The following L3MBTL4 variants were observed in gnomAD, a reference collection of about 807,000 sequenced individuals.
L3MBTL4 encodes lethal(3)malignant brain tumor-like protein 4.
In L3MBTL4, 70 loss-of-function variants were observed where a neutral mutation model predicts 84.5. The ratio of observed to expected loss-of-function variants is 0.83; its 90% confidence interval spans 0.68 to 1.01. L3MBTL4 has a LOEUF of 1.01. Among genes scored for constraint, L3MBTL4 ranks in the 50% least tolerant of loss-of-function variants. The pLI, the probability that L3MBTL4 is intolerant of heterozygous loss-of-function variation, is 0.00. For missense variants in L3MBTL4, 715 were observed against 754.8 expected (o/e 0.95, Z 0.62); for synonymous variants, 274 against 259.8 (o/e 1.05, Z -0.52).
At chr18:6,156,854 C>T (rs917498164) in intron 13 of L3MBTL4, among the ~76,000 whole-genome samples, 8 of 152,196 alleles carry the variant, frequency 5.3e-5, no homozygotes, top group African/African-American at 1.9e-4. Context: ...TGCTATGCCA[C>T]ACTGCATCGC....
At chr18:6,413,877 C>G (rs1323989662) in intron 1 of L3MBTL4, 1 of 152,348 alleles carries the variant, frequency 6.6e-6, no homozygotes, top group Non-Finnish European at 1.5e-5. Flanking sequence ...AAGAATGTCC[C>G]TCTAAAGGCA....
chr18:6,337,969 C>G (rs563355429), intron 1 of L3MBTL4, among the ~76,000 whole-genome samples: 30 of 151,830 alleles, frequency 2.0e-4, no homozygotes, highest in African/African-American at 6.8e-4. Context: ...CTAACAGGAA[C>G]AATGAAAGCC....
chr18:6,325,819 T>C (rs1240962258), intron 1 of L3MBTL4, among the ~76,000 whole-genome samples: 2 of 152,248 alleles, frequency 1.3e-5, no homozygotes, highest in African/African-American at 2.4e-5. Context: ...TGGTGTACCC[T>C]AGTCATCTAA....
intron 17 of L3MBTL4, among the ~76,000 whole-genome samples, chr18:5,962,538 C>A (rs1453409788): frequency 6.6e-6 from 1 of 152,160 alleles, no homozygotes; most frequent in Non-Finnish European, 1.5e-5. Flanking sequence ...GGCACTCCAC[C>A]CTGGTGGGAC....
chr18:6,054,549 T>G (rs1420603224), intron 16 of L3MBTL4, among the ~76,000 whole-genome samples: 1 of 152,158 alleles, frequency 6.6e-6, no homozygotes, highest in Non-Finnish European at 1.5e-5. Context: ...CCCCCGCCCC[T>G]TCCCTGACAC....
At chr18:6,197,633 C>T (rs1175188611) in intron 12 of L3MBTL4, among the ~76,000 whole-genome samples, 2 of 152,158 alleles carry the variant, frequency 1.3e-5, no homozygotes, top group Non-Finnish European at 2.9e-5. Flanking sequence ...ATATCCCAGT[C>T]TTGACTGTGC....
intron 12 of L3MBTL4, among the ~76,000 whole-genome samples, chr18:6,196,269 T>A (rs2045383607): frequency 6.6e-6 from 1 of 150,742 alleles, no homozygotes; most frequent in African/African-American, 2.5e-5. Flanking sequence ...GCCATTCTCC[T>A]GCCTCAGCCT....
At chr18:5,979,806 C>A (rs182032899) in intron 16 of L3MBTL4, among the ~76,000 whole-genome samples, 209 of 152,352 alleles carry the variant, frequency 1.4e-3, no homozygotes, top group Non-Finnish European at 2.5e-3. Context: ...TACTCAGCAT[C>A]TGAATCTCAA....
intron 16 of L3MBTL4, chr18:6,029,513 A>T: frequency 4.1e-6 from 4 of 983,686 alleles, no homozygotes; most frequent in Non-Finnish European, 4.8e-6. Flanking sequence ...TTCCATACAG[A>T]CAATCTTAGG....
chr18:6,081,416 C>T (rs1272405657), intron 15 of L3MBTL4: 1 of 152,580 alleles, frequency 6.6e-6, no homozygotes, highest in African/African-American at 2.4e-5. Context: ...TTTTAAAATG[C>T]TGCAGTATGT....
intron 10 of L3MBTL4, among the ~76,000 whole-genome samples, chr18:6,217,673 T>C (rs2046382939): frequency 6.6e-6 from 1 of 152,234 alleles, no homozygotes; most frequent in South Asian, 2.1e-4. Context: ...TGGAGTACTT[T>C]GCTTCATATT....
At chr18:6,280,012 AT>A (rs2049258101) in intron 4 of L3MBTL4, among the ~76,000 whole-genome samples, 1 of 152,176 alleles carries the variant, frequency 6.6e-6, no homozygotes, top group African/African-American at 2.4e-5. Flanking sequence ...ATTCAAGATT[AT>A]TTTTTCCCTT....
At chr18:6,405,539 CCT>C (rs2055692971) in intron 1 of L3MBTL4, among the ~76,000 whole-genome samples, 2 of 152,160 alleles carry the variant, frequency 1.3e-5, no homozygotes, top group South Asian at 4.1e-4. Flanking sequence ...CAGCACAGGC[CCT>C]GAGCCCGAGG....
At chr18:6,019,341 T>C (rs2055143169) in intron 16 of L3MBTL4, among the ~76,000 whole-genome samples, 1 of 152,232 alleles carries the variant, frequency 6.6e-6, no homozygotes, top group Admixed American at 6.5e-5. Flanking sequence ...GTGTAAGGAC[T>C]GTCCCCTTGG....
At chr18:6,255,434 T>C (rs1183272963) in intron 5 of L3MBTL4, among the ~76,000 whole-genome samples, 1 of 152,216 alleles carries the variant, frequency 6.6e-6, no homozygotes, top group Non-Finnish European at 1.5e-5. Context: ...AGATTCTAAA[T>C]GTAGGAAAAG....
chr18:6,261,088 C>T (rs2048379481), intron 5 of L3MBTL4, among the ~76,000 whole-genome samples: 1 of 152,192 alleles, frequency 6.6e-6, no homozygotes, highest in Non-Finnish European at 1.5e-5. Context: ...GGTCTCATCT[C>T]ACACATGGAA....
chr18:5,989,129 CCA>C (rs2053580604), intron 16 of L3MBTL4, among the ~76,000 whole-genome samples: 1 of 152,128 alleles, frequency 6.6e-6, no homozygotes. Context: ...CAGCTCCAGC[CCA>C]CTGTGCCATC....
At chr18:6,032,179 G>T in intron 16 of L3MBTL4, 1 of 341,962 alleles carries the variant, frequency 2.9e-6, no homozygotes. Context: ...GGGTTTCACT[G>T]CGTTGGCCAG....
At chr18:6,263,649 T>G (rs1392163531) in intron 5 of L3MBTL4, among the ~76,000 whole-genome samples, 1 of 152,146 alleles carries the variant, frequency 6.6e-6, no homozygotes, top group East Asian at 1.9e-4. Context: ...CCTTTACGGG[T>G]ACAACTGATT....
Sources: gnomAD v4.1 joint callset for allele counts (sites outside exome capture counted in the v4.1 genomes callset) on GRCh38, gnomAD v4.1.1 for gene constraint, MANE v1.5 for transcripts, NCBI Gene and HGNC (gene_info 2026-07-23, HGNC 2026-07-21) for gene names.